ANKRD30BL: variants seen among roughly 807,000 people sequenced by gnomAD.
The protein encoded by ANKRD30BL is ankyrin repeat domain 30B like, also known as putative ankyrin repeat domain-containing protein 30B-like.
Under a neutral mutation model 18.4 loss-of-function variants are expected in ANKRD30BL, and 20 were observed. The ratio of observed to expected loss-of-function variants is 1.09; its 90% CI spans 0.77 to 1.58. The LOEUF is 1.58. ANKRD30BL is among the 40% of genes most tolerant of loss of function. The pLI, the probability that ANKRD30BL is intolerant of heterozygous loss-of-function variation, is 0.00. For synonymous variants in ANKRD30BL, 72 were observed against 100.9 expected (o/e 0.71, Z 1.72); for missense variants, 224 against 268.6 (o/e 0.83, Z 1.16).
intron 1 of ANKRD30BL, among the ~76,000 whole-genome samples, chr2:132,199,535 C>T (rs1679051106): frequency 6.6e-6 from 1 of 150,958 alleles, no homozygotes; most frequent in African/African-American, 2.4e-5. Flanking sequence ...TTGAGACAGT[C>T]TCGCTCTGTG....
intron 1 of ANKRD30BL, among the ~76,000 whole-genome samples, chr2:132,257,367 C>A (rs867399223): frequency 3.9e-5 from 6 of 152,228 alleles, no homozygotes; most frequent in Non-Finnish European, 4.4e-5. Flanking sequence ...ACGCCAGGCA[C>A]AGCCACCGCT....
intron 1 of ANKRD30BL, among the ~76,000 whole-genome samples, chr2:132,222,342 C>G (rs1017948030): frequency 1.3e-5 from 2 of 151,964 alleles, no homozygotes; most frequent in Admixed American, 6.5e-5. Context: ...GTGTGCCCAG[C>G]GGCTCACTGG....
chr2:132,225,979 C>A (rs1573864659), intron 1 of ANKRD30BL, among the ~76,000 whole-genome samples: 1 of 151,776 alleles, frequency 6.6e-6, no homozygotes, highest in African/African-American at 2.4e-5. Context: ...ATTTGGAGCC[C>A]TTTGAGGCCT....
intron 1 of ANKRD30BL, among the ~76,000 whole-genome samples, chr2:132,203,474 A>C (rs1679150396): frequency 6.6e-6 from 1 of 152,178 alleles, no homozygotes; most frequent in Non-Finnish European, 1.5e-5. Context: ...ACAATGAGAC[A>C]TAAGCCATAC....
intron 4 of ANKRD30BL, chr2:132,153,761 G>A (rs1370882304): frequency 8.2e-6 from 6 of 735,022 alleles, no homozygotes; most frequent in Non-Finnish European, 1.3e-5. Context: ...TGTCAGTATA[G>A]AATTAACCAT....
intron 1 of ANKRD30BL, among the ~76,000 whole-genome samples, chr2:132,240,459 C>T (rs1446226071): frequency 6.6e-6 from 1 of 151,620 alleles, no homozygotes; most frequent in Non-Finnish European, 1.5e-5. Context: ...AGTTGGAACG[C>T]TTTGAGGCCC....
chr2:132,224,828 G>C (rs1679797227), intron 1 of ANKRD30BL, among the ~76,000 whole-genome samples: 2 of 151,838 alleles, frequency 1.3e-5, no homozygotes, highest in African/African-American at 2.4e-5. Flanking sequence ...ATAATCACTA[G>C]ACAAGGGTTC....
chr2:132,248,468 A>T (rs897573941), intron 1 of ANKRD30BL, among the ~76,000 whole-genome samples: 1 of 152,092 alleles, frequency 6.6e-6, no homozygotes, highest in African/African-American at 2.4e-5. Context: ...ATACCTATCA[A>T]AGCGCTCAAA....
chr2:132,215,744 G>T (rs1573851620), intron 1 of ANKRD30BL, among the ~76,000 whole-genome samples: 1 of 151,838 alleles, frequency 6.6e-6, no homozygotes, highest in Non-Finnish European at 1.5e-5. Flanking sequence ...TTTGTGATGT[G>T]TGCATTCATC....
At chr2:132,187,183 T>G (rs1310323894) in intron 1 of ANKRD30BL, among the ~76,000 whole-genome samples, 1 of 138,250 alleles carries the variant, frequency 7.2e-6, no homozygotes. Context: ...TTTTTTTTTT[T>G]GTTTGTTTTT....
chr2:132,199,533 G>A (rs1282616319), intron 1 of ANKRD30BL, among the ~76,000 whole-genome samples: 1 of 151,080 alleles, frequency 6.6e-6, no homozygotes, highest in Non-Finnish European at 1.5e-5. Context: ...GTTTGAGACA[G>A]TCTCGCTCTG....
chr2:132,253,505 C>T (rs1483804941), intron 1 of ANKRD30BL, among the ~76,000 whole-genome samples: 1 of 152,090 alleles, frequency 6.6e-6, no homozygotes, highest in Admixed American at 6.5e-5. Flanking sequence ...CCCATGGGAG[C>T]CCAGGGGTTC....
chr2:132,235,169 G>A (rs1031433623), intron 1 of ANKRD30BL, among the ~76,000 whole-genome samples: 13 of 152,096 alleles, frequency 8.5e-5, no homozygotes, highest in Admixed American at 7.2e-4. Flanking sequence ...AATAAATTAG[G>A]TATTGATGGG....
chr2:132,221,547 G>T (rs1679683857), intron 1 of ANKRD30BL, among the ~76,000 whole-genome samples: 1 of 135,756 alleles, frequency 7.4e-6, no homozygotes, highest in Non-Finnish European at 1.6e-5. Context: ...AGGGAGGTGG[G>T]GGGGTCAGCC....
intron 1 of ANKRD30BL, among the ~76,000 whole-genome samples, chr2:132,224,149 G>A (rs1301070035): frequency 6.6e-6 from 1 of 152,094 alleles, no homozygotes; most frequent in Admixed American, 6.6e-5. Flanking sequence ...ATAAACACTA[G>A]ATAGAAGCAT....
chr2:132,176,257 C>T (rs545037685), intron 1 of ANKRD30BL, among the ~76,000 whole-genome samples: 1 of 151,720 alleles, frequency 6.6e-6, no homozygotes, highest in South Asian at 2.1e-4. Flanking sequence ...AGGCTGGGCA[C>T]GGTGGTTCAC....
At chr2:132,199,608 G>T (rs1467682309) in intron 1 of ANKRD30BL, among the ~76,000 whole-genome samples, 1 of 151,818 alleles carries the variant, frequency 6.6e-6, no homozygotes, top group Non-Finnish European at 1.5e-5. Flanking sequence ...CCGAGTTCAA[G>T]CAAATCTCCT....
chr2:132,256,221 C>G (rs1463630177), intron 1 of ANKRD30BL, among the ~76,000 whole-genome samples: 8 of 151,850 alleles, frequency 5.3e-5, no homozygotes, highest in African/African-American at 1.9e-4. Flanking sequence ...CTGGGACTCG[C>G]GAGGATGAGC....
intron 1 of ANKRD30BL, among the ~76,000 whole-genome samples, chr2:132,200,757 C>T (rs13406768): frequency 0.023 from 3,501 of 152,196 alleles, 117 homozygotes; most frequent in African/African-American, 0.08. Context: ...CCCCATCAAG[C>T]TACCAATGAC....
Sources: gnomAD v4.1 joint callset for allele counts (sites outside exome capture counted in the v4.1 genomes callset) on GRCh38, gnomAD v4.1.1 for gene constraint, MANE v1.5 for transcripts, NCBI Gene and HGNC (gene_info 2026-07-23, HGNC 2026-07-21) for gene names.